Variants in FAT4 observed in about 807,000 individuals in gnomAD.
FAT4 encodes the protein FAT atypical cadherin 4, also known as protocadherin Fat 4.
In FAT4, 84 loss-of-function variants were observed where a neutral mutation model predicts 303.9. That is an observed-to-expected ratio of 0.28 (90% CI 0.23 to 0.33). The LOEUF is 0.33. Among genes scored for constraint, FAT4 ranks in the 10% least tolerant of loss-of-function variants. FAT4 has a pLI of 1.00. For missense variants in FAT4, 6,005 were observed against 6,146.8 expected (o/e 0.98, Z 0.77); for synonymous variants, 2,307 against 2,298.8 (o/e 1.00, Z -0.10).
In FAT4 at chr4:125,438,702, T is replaced by C. The variant is rs1168322878; in HGVS notation, c.7199+4277T>C. Among the ~76,000 whole-genome samples the C allele has an allele frequency of 4.6e-5, 7 of 152,188 alleles. No individual in the cohort carries two copies. The East Asian group carries it at 1.3e-3, about 29-fold the overall frequency. On this transcript the variant is annotated intron_variant, in intron 8 of 17. Coordinates refer to ENST00000394329, the MANE Select transcript of FAT4 (RefSeq NM_001291303.3). ...ATAGAAAATATTTTCACAGACAAAGTAAATAGTTATTATAACCTCAACTTT... is the reference window on the plus strand; with the variant it reads ...ATAGAAAATATTTTCACAGACAAAGCAAATAGTTATTATAACCTCAACTTT...
intron 2 of FAT4, among the ~76,000 whole-genome samples, chr4:125,334,754 T>C (rs1325882612): frequency 1.3e-5 from 2 of 152,148 alleles, no homozygotes; most frequent in African/African-American, 2.4e-5. Flanking sequence ...TATATGGTCA[T>C]AGAATTTTCC....
chr4:125,321,137 A>C lies in FAT4; in HGVS notation c.4726A>C (p.Ile1576Leu), dbSNP rs369950066. The change falls in exon 2 of 18, where the codon ATT (isoleucine) becomes CTT (leucine). Residue 1576 changes from isoleucine (I) to leucine (L), a missense_variant. Physicochemically the swap from Ile to Leu is conservative, Grantham distance 5. Transcript: ENST00000394329. ...CATCAATGGGGACACAGACACCTTCATTGTTGATCGTTATAGTGGAGACCT... is the reference window on the plus strand; with the variant it reads ...CATCAATGGGGACACAGACACCTTCCTTGTTGATCGTTATAGTGGAGACCT... The part of the protein sequence containing the change: ...EIINGDTDTF[I>L]VDRYSGDLRV... 25 of 1,614,180 alleles carry C rather than the reference A, an allele frequency of 1.5e-5. No individual in the cohort carries two copies. The highest frequency in any genetic ancestry group is 2.1e-5 in the Non-Finnish European group (25 of 1,180,012).
At chr4:125,442,017 T>C (rs1725676834) in intron 8 of FAT4, among the ~76,000 whole-genome samples, 1 of 152,210 alleles carries the variant, frequency 6.6e-6, no homozygotes, top group Non-Finnish European at 1.5e-5. Flanking sequence ...CTTTGGCTGC[T>C]CTTGCCATAT....
chr4:125,456,392 T>G (rs889751830), intron 10 of FAT4, among the ~76,000 whole-genome samples: 1 of 152,186 alleles, frequency 6.6e-6, no homozygotes, highest in Non-Finnish European at 1.5e-5. Context: ...ATTTGCATAG[T>G]AGGAGATAAT....
At chr4:125,486,183 G>A (rs1251593020) in intron 16 of FAT4, among the ~76,000 whole-genome samples, 1 of 147,116 alleles carries the variant, frequency 6.8e-6, no homozygotes, top group Non-Finnish European at 1.5e-5. Flanking sequence ...TATAACCAAA[G>A]AAAGTTGCTG....
intron 17 of FAT4, among the ~76,000 whole-genome samples, 195 bp from the exon 18 acceptor site, chr4:125,489,706 C>A (rs1434223477): frequency 1.3e-5 from 2 of 152,030 alleles, no homozygotes; most frequent in African/African-American, 4.8e-5. Flanking sequence ...TCTTAACGCA[C>A]CTTGCTAAGT....
chr4:125,408,401 C>T (rs1578608872), intron 4 of FAT4, 43 bp from the exon 5 acceptor site: 2 of 1,301,744 alleles, frequency 1.5e-6, no homozygotes, highest in Non-Finnish European at 2.1e-6. Flanking sequence ...AGTAATACTT[C>T]TTACTTCCTT....
At chr4:125,337,422 T>G (rs548529739) in intron 2 of FAT4, among the ~76,000 whole-genome samples, 1 of 152,186 alleles carries the variant, frequency 6.6e-6, no homozygotes, top group Admixed American at 6.5e-5. Context: ...AAATGAGATG[T>G]TAAATTAACT....
chr4:125,446,318 C>T lies in FAT4; in HGVS notation c.7225C>T (p.Gln2409Ter). 6.2e-7 allele frequency: 1 copy of T among 1,612,958 alleles called. No individual in the cohort carries two copies. The highest frequency in any genetic ancestry group is 8.5e-7 in the Non-Finnish European group (1 of 1,179,168). The change falls in exon 9 of 18, where the codon CAG becomes TAG. Residue 2409 changes from glutamine to a stop codon, truncating the protein, a stop_gained. Coordinates refer to ENST00000394329, the MANE Select transcript of FAT4 (RefSeq NM_001291303.3). LOFTEE classifies it high-confidence loss of function. ...ISYRIIGGNS[Q>*]FTINPSTGQI... ...TTATAGGATCATCGGTGGAAACTCT[C>T]AGTTCACGATCAACCCATCGACAGG...
In FAT4 at chr4:125,450,105, G is replaced by C. The variant is rs758240945; in HGVS notation, c.9095G>C (p.Gly3032Ala). 8 of 1,613,788 alleles carry C rather than the reference G, an allele frequency of 5.0e-6. No homozygotes were observed. The Admixed American group carries it at 6.7e-5, about 13-fold the overall frequency. ...TTCATTTCTAATGATAACCATTTAG[G>C]AAAATTTAAGTTGGACAATGATACG... ...EYFISNDNHL[G>A]KFKLDNDTGW... Residue 3032 changes from glycine (G) to alanine (A), a missense_variant, in exon 10 of 18, where the codon GGA becomes GCA. Transcript: ENST00000394329.
At chr4:125,459,897 A>G (rs1321276862) in intron 10 of FAT4, among the ~76,000 whole-genome samples, 2 of 152,104 alleles carry the variant, frequency 1.3e-5, no homozygotes, top group Non-Finnish European at 2.9e-5. Flanking sequence ...ATTTAAGTAG[A>G]TAGACTTGCA....
chr4:125,421,490 T>G (rs1724886768), intron 7 of FAT4, among the ~76,000 whole-genome samples: 1 of 152,218 alleles, frequency 6.6e-6, no homozygotes, highest in African/African-American at 2.4e-5. Context: ...TTAGAATTTT[T>G]TTAACTCAAG....
intron 2 of FAT4, among the ~76,000 whole-genome samples, chr4:125,321,967 A>G (rs151227134): frequency 1.3e-5 from 2 of 152,340 alleles, no homozygotes; most frequent in African/African-American, 4.8e-5. Flanking sequence ...AAGAAGACCT[A>G]TTCCAAAATG....
chr4:125,468,216 A>G (rs1002265100), intron 11 of FAT4, among the ~76,000 whole-genome samples: 5 of 152,170 alleles, frequency 3.3e-5, no homozygotes, highest in African/African-American at 1.2e-4. Context: ...AAATCTCTTC[A>G]GACATACTCC....
chr4:125,427,807 A>T (rs1293977904), intron 7 of FAT4, among the ~76,000 whole-genome samples: 1 of 152,190 alleles, frequency 6.6e-6, no homozygotes, highest in African/African-American at 2.4e-5. Context: ...CAACAGAATT[A>T]AGTTAAGCAG....
intron 2 of FAT4, among the ~76,000 whole-genome samples, chr4:125,336,490 G>A (rs1230144549): frequency 6.6e-6 from 1 of 151,966 alleles, no homozygotes; most frequent in Non-Finnish European, 1.5e-5. Flanking sequence ...TTAAAAGATA[G>A]GGTAAGTGAA....
intron 2 of FAT4, among the ~76,000 whole-genome samples, chr4:125,322,301 A>G (rs1730984676): frequency 6.6e-6 from 1 of 152,120 alleles, no homozygotes; most frequent in African/African-American, 2.4e-5. Context: ...ATGCCATGGG[A>G]TAGATACACT....
At chr4:125,447,033 T>G (rs2126055279) in intron 9 of FAT4, among the ~76,000 whole-genome samples, 1 of 152,224 alleles carries the variant, frequency 6.6e-6, no homozygotes, top group African/African-American at 2.4e-5. Flanking sequence ...AATAAATGGA[T>G]AATTCTTGTT....
At chr4:125,488,133 A>T (rs2126093894) in intron 17 of FAT4, among the ~76,000 whole-genome samples, 1 of 152,342 alleles carries the variant, frequency 6.6e-6, no homozygotes, top group Non-Finnish European at 1.5e-5. Flanking sequence ...GTATACATAA[A>T]TCTGAATGAT....
Sources: gnomAD v4.1 joint callset for allele counts (sites outside exome capture counted in the v4.1 genomes callset) on GRCh38, gnomAD v4.1.1 for gene constraint, MANE v1.5 for transcripts, NCBI Gene and HGNC (gene_info 2026-07-23, HGNC 2026-07-21) for gene names.